PPP1R12A: variants seen among roughly 807,000 people sequenced by gnomAD.
PPP1R12A encodes the protein myosin binding subunit.
In PPP1R12A, 19 loss-of-function variants were observed where a neutral mutation model predicts 139.6. The observed-to-expected ratio is 0.14, with a 90% CI of 0.09 to 0.20. PPP1R12A has a LOEUF of 0.20. Among genes scored for constraint, PPP1R12A ranks in the 10% least tolerant of loss-of-function variants. PPP1R12A has a pLI of 1.00. For synonymous variants in PPP1R12A, 427 were observed against 420.6 expected, an observed-to-expected ratio of 1.02 and a Z score of -0.19; for missense variants, 925 against 1,211.5, an observed-to-expected ratio of 0.76 and a Z score of 3.51.
chr12:79,836,879 C>T (rs1203319868), intron 3 of PPP1R12A, among the ~76,000 whole-genome samples: 1 of 152,130 alleles, frequency 6.6e-6, no homozygotes, highest in Non-Finnish European at 1.5e-5. Context: ...CTCTGATCCA[C>T]CACTTACTAG....
chr12:79,845,891 C>T (rs200465637), intron 2 of PPP1R12A, among the ~76,000 whole-genome samples: 20 of 148,954 alleles, frequency 1.3e-4, no homozygotes, highest in African/African-American at 4.9e-4. Context: ...TTTACCAATA[C>T]AAAAATGTTA....
At chr12:79,790,321 T>C (rs1009432925) in intron 20 of PPP1R12A, 146 bp downstream of exon 20, 2 of 504,954 alleles carry the variant, frequency 4.0e-6, no homozygotes, top group East Asian at 3.1e-5. Flanking sequence ...CAAAGAAAGC[T>C]AGTAACAATG....
chr12:79,898,189 C>T (rs1222099729), intron 1 of PPP1R12A, among the ~76,000 whole-genome samples: 1 of 152,206 alleles, frequency 6.6e-6, no homozygotes, highest in African/African-American at 2.4e-5. Context: ...GTGGCTCACG[C>T]CTGTAATCCT....
chr12:79,831,700 T>C (rs1250892642), intron 4 of PPP1R12A, among the ~76,000 whole-genome samples: 1 of 152,182 alleles, frequency 6.6e-6, no homozygotes, highest in East Asian at 1.9e-4. Flanking sequence ...ATTTTATATA[T>C]TGAATAATAC....
chr12:79,796,356 A>G (rs1872515631), intron 17 of PPP1R12A, among the ~76,000 whole-genome samples: 1 of 152,184 alleles, frequency 6.6e-6, no homozygotes, highest in African/African-American at 2.4e-5. Flanking sequence ...AAGCATAAAA[A>G]TGTGTTTTAG....
chr12:79,797,014 T>C (rs976344404), intron 16 of PPP1R12A, 64 bp from the exon 17 acceptor site: 2 of 1,496,104 alleles, frequency 1.3e-6, no homozygotes, highest in Middle Eastern at 1.8e-4. Context: ...ATAAAAATAC[T>C]TAAAAATTCA....
rs1872718723 is a variant in PPP1R12A at position 79,798,390 on chromosome 12, A to T, written c.2091+104T>A. ...TATATACTGACATCAATATTTTCAC[A>T]ACAAAGTGAAAAAGAGAAAGGTAAC... is the stretch of plus-strand genomic sequence containing the variant. On this transcript the variant is annotated intron_variant, in intron 15 of 24. Coordinates refer to ENST00000450142, the MANE Select transcript of PPP1R12A (RefSeq NM_002480.3). The T allele has an allele frequency of 5.6e-6, 4 of 712,682 alleles. No individual in the cohort carries two copies. The South Asian group carries it at 1.1e-4, about 20-fold the overall frequency. The allele number at this position is 712,682 out of a possible 1,614,324, so 44.1% of individuals were successfully genotyped here.
At chr12:79,784,348 T>A (rs1423480076) in intron 22 of PPP1R12A, among the ~76,000 whole-genome samples, 1 of 152,196 alleles carries the variant, frequency 6.6e-6, no homozygotes, top group African/African-American at 2.4e-5. Flanking sequence ...TATTTTTTAA[T>A]CCTACTTCTC....
chr12:79,779,496 T>C, intron 23 of PPP1R12A: 1 of 580,100 alleles, frequency 1.7e-6, no homozygotes, highest in South Asian at 1.6e-5. Flanking sequence ...TATGTGATTT[T>C]AAAAAGTAGA....
intron 2 of PPP1R12A, among the ~76,000 whole-genome samples, chr12:79,864,607 C>T (rs1402571415): frequency 6.6e-6 from 1 of 151,934 alleles, no homozygotes; most frequent in Non-Finnish European, 1.5e-5. Flanking sequence ...AGAGAAGAAT[C>T]CAATAGACAC....
intron 1 of PPP1R12A, among the ~76,000 whole-genome samples, chr12:79,877,423 T>C (rs1188603670): frequency 1.3e-5 from 2 of 152,270 alleles, no homozygotes; most frequent in East Asian, 1.9e-4. Flanking sequence ...AAAAAGTGTA[T>C]TGTATTAGAA....
intron 11 of PPP1R12A, 62 bp from the exon 12 acceptor site, chr12:79,807,392 T>A: frequency 9.8e-7 from 1 of 1,020,498 alleles, no homozygotes; most frequent in South Asian, 1.4e-5. Context: ...AAGAAAGCGG[T>A]ACACTAGTAA....
At position 79,881,876 on chromosome 12, in the gene PPP1R12A, T is replaced by A. The variant is rs116230456; in HGVS notation, c.238-8938A>T. Among the ~76,000 whole-genome samples, 789 of 152,192 alleles carry A rather than the reference T, an allele frequency of 5.2e-3. 6 individuals are homozygous for A. Among genetic ancestry groups the A allele is most frequent in the African/African-American group, 0.018 (750 of 41,512 alleles). On this transcript the variant is annotated intron_variant, in intron 1 of 24. Transcript: ENST00000450142. ...CATTACCCATTCCAAAAATCCTAGG[T>A]CCCTTATGAATTACACTAAATCTAC...
intron 1 of PPP1R12A, among the ~76,000 whole-genome samples, chr12:79,889,873 C>T (rs552125826): frequency 4.6e-5 from 7 of 152,220 alleles, no homozygotes; most frequent in Admixed American, 6.5e-5. Flanking sequence ...GACTCATATA[C>T]GTATCCTCAT....
At position 79,801,345 on chromosome 12, in the gene PPP1R12A, C is replaced by CAAAAAAAAAAAAAAA. The variant is rs201977462; in HGVS notation, c.2001-2776_2001-2762dup. Among the ~76,000 whole-genome samples the CAAAAAAAAAAAAAAA allele has an allele frequency of 5.0e-4, 10 of 20,186 alleles. 1 individual carries two copies. The highest frequency in any genetic ancestry group is 9.8e-4 in the Non-Finnish European group (6 of 6,136). The allele number at this position is 20,186 out of a possible 152,430, so 13.2% of individuals were successfully genotyped here. On this transcript the variant is annotated intron_variant, in intron 14 of 24. Coordinates refer to ENST00000450142, the MANE Select transcript of PPP1R12A (RefSeq NM_002480.3). ...GGGCAACTAGAGCAAAACTCTGTCT[C>CAAAAAAAAAAAAAAA]AAAAAAAAAAAAAAAAAAAAAAAAA...
intron 22 of PPP1R12A, among the ~76,000 whole-genome samples, chr12:79,785,010 A>T (rs985101029): frequency 1.3e-5 from 2 of 152,076 alleles, no homozygotes; most frequent in African/African-American, 4.8e-5. Context: ...AGAACTCATT[A>T]TATTTTTATG....
intron 1 of PPP1R12A, among the ~76,000 whole-genome samples, chr12:79,919,605 C>T (rs1000158519): frequency 1.3e-5 from 2 of 151,672 alleles, no homozygotes; most frequent in Admixed American, 1.3e-4. Flanking sequence ...TGAAATATGC[C>T]TTCATAAGCT....
intron 1 of PPP1R12A, among the ~76,000 whole-genome samples, chr12:79,930,829 T>C (rs1258970893): frequency 1.3e-5 from 2 of 152,178 alleles, no homozygotes; most frequent in South Asian, 2.1e-4. Flanking sequence ...CAGTAAAAAG[T>C]GGCAAAGAAA....
intron 1 of PPP1R12A, among the ~76,000 whole-genome samples, chr12:79,903,914 A>T (rs1885869165): frequency 6.6e-6 from 1 of 152,130 alleles, no homozygotes; most frequent in South Asian, 2.1e-4. Flanking sequence ...AACACATTAG[A>T]TATCTTCCTT....
Sources: allele counts gnomAD v4.1 joint callset (sites outside exome capture counted in the v4.1 genomes callset), GRCh38; gene constraint gnomAD v4.1.1; transcripts MANE v1.5; gene names NCBI Gene and HGNC (gene_info 2026-07-23, HGNC 2026-07-21).